The following TOGARAM2 variants were observed in gnomAD, a reference collection of about 807,000 sequenced individuals.
TOGARAM2 encodes TOG array regulator of axonemal microtubules 2.
Under a neutral mutation model 93.3 loss-of-function variants are expected in TOGARAM2, and 85 were observed. The ratio of observed to expected loss-of-function variants is 0.91; its 90% CI spans 0.76 to 1.09. TOGARAM2 has a LOEUF of 1.09. Ranked by LOEUF, TOGARAM2 falls within the 50% of genes least tolerant of loss-of-function variation. The pLI is 0.00. For synonymous variants in TOGARAM2, 593 were observed against 552.8 expected, an observed-to-expected ratio of 1.07 and a Z score of -1.02; for missense variants, 1,277 against 1,334.5, an observed-to-expected ratio of 0.96 and a Z score of 0.67.
upstream of TOGARAM2, chr2:28,981,225 A>T (rs983811829): frequency 6.6e-6 from 1 of 152,278 alleles, no homozygotes; most frequent in Non-Finnish European, 1.5e-5. Context: ...CCAAGGGGAA[A>T]ATCTCTCGGC....
At position 29,017,913 on chromosome 2, in the gene TOGARAM2, C is replaced by T. The variant is rs763711690; in HGVS notation, c.1317C>T (p.Ile439=). The T allele has an allele frequency of 9.9e-6, 16 of 1,611,368 alleles. No individual in the cohort carries two copies. Among genetic ancestry groups the T allele is most frequent in the Non-Finnish European group, 2.5e-6 (3 of 1,178,976 alleles). Residue 439 remains isoleucine (I), a synonymous_variant, in exon 10 of 20, where the codon ATC becomes ATT. Coordinates refer to ENST00000379558, the MANE Select transcript of TOGARAM2 (RefSeq NM_199280.4). ...KWASRASLPS[I]PISRQEPRFA... Reference sequence around the variant, plus strand: ...CCAGCCGGGCCTCCCTGCCCAGCATCCCCATCAGCCGGCAGGAGCCCCGCT... The same window carrying T: ...CCAGCCGGGCCTCCCTGCCCAGCATTCCCATCAGCCGGCAGGAGCCCCGCT...
chr2:28,977,571 GC>G (rs1452236695), upstream of TOGARAM2, among the ~76,000 whole-genome samples: 1 of 152,150 alleles, frequency 6.6e-6, no homozygotes. Context: ...AGGGGCGGGG[GC>G]TTCTTATGCC....
At chr2:29,048,418 T>C (rs1179806635) in intron 19 of TOGARAM2, 1 of 152,190 alleles carries the variant, frequency 6.6e-6, no homozygotes, top group East Asian at 1.9e-4. Context: ...TCAGTGGTAG[T>C]GTCCATGATT....
chr2:29,005,106 T>C (rs1572680219), intron 6 of TOGARAM2, among the ~76,000 whole-genome samples: 1 of 146,076 alleles, frequency 6.8e-6, no homozygotes, highest in South Asian at 2.2e-4. Flanking sequence ...ATGTTGTGAG[T>C]GCATGTGTAT....
chr2:28,982,377 C>T (rs1672237265), intron 1 of TOGARAM2, among the ~76,000 whole-genome samples: 1 of 152,214 alleles, frequency 6.6e-6, no homozygotes, highest in Non-Finnish European at 1.5e-5. Flanking sequence ...GGGGCCCGTA[C>T]TCTGTCGGAG....
In TOGARAM2 at chr2:29,030,611, C is replaced by T. The variant is rs546095705; in HGVS notation, c.2013-2323C>T. ...ACACTAGATGATGGTGACTACATTT[C>T]CTTTTCCTTCCTAGAACTCTGTCCT... is the stretch of plus-strand genomic sequence containing the variant. On this transcript the variant is annotated intron_variant, in intron 14 of 19. Transcript: ENST00000379558. Among the ~76,000 whole-genome samples, 48 of 152,340 alleles carry T rather than the reference C, an allele frequency of 3.2e-4. No homozygotes were observed. In the South Asian group the frequency reaches 9.3e-3, roughly 30 times the overall value.
intron 14 of TOGARAM2, among the ~76,000 whole-genome samples, chr2:29,027,580 A>T (rs1054929609): frequency 6.8e-6 from 1 of 147,892 alleles, no homozygotes; most frequent in African/African-American, 2.5e-5. Flanking sequence ...GCAACATAGT[A>T]AGATCCTGTC....
chr2:29,009,385 T>C (rs890118796), intron 6 of TOGARAM2, among the ~76,000 whole-genome samples: 4 of 152,148 alleles, frequency 2.6e-5, no homozygotes, highest in Admixed American at 1.3e-4. Flanking sequence ...TGGCATCTGC[T>C]GTGACTTAGA....
intron 6 of TOGARAM2, among the ~76,000 whole-genome samples, chr2:29,004,272 C>T (rs1005329536): frequency 4.6e-5 from 7 of 152,156 alleles, no homozygotes; most frequent in African/African-American, 1.4e-4. Context: ...TGTGAGACAC[C>T]GTGCCCGGCT....
chr2:28,998,092 C>A, intron 2 of TOGARAM2, 51 bp from the exon 3 acceptor site: 1 of 1,314,656 alleles, frequency 7.6e-7, no homozygotes, highest in South Asian at 1.4e-5. Flanking sequence ...TGCTCCCAGT[C>A]TTGGCCTTGG....
intron 6 of TOGARAM2, among the ~76,000 whole-genome samples, chr2:29,006,846 G>A (rs1223826724): frequency 6.6e-6 from 1 of 152,030 alleles, no homozygotes; most frequent in East Asian, 1.9e-4. Context: ...TCAGACGCTG[G>A]CCTCTTCCTC....
intron 1 of TOGARAM2, among the ~76,000 whole-genome samples, chr2:28,970,047 G>A (rs930476742): frequency 2.6e-4 from 40 of 152,180 alleles, no homozygotes; most frequent in South Asian, 2.1e-4. Flanking sequence ...TCTTGACCTC[G>A]TGATCCGCCC....
intron 1 of TOGARAM2, chr2:28,971,149 A>C (rs1191192446): frequency 6.6e-6 from 1 of 152,180 alleles, no homozygotes; most frequent in Non-Finnish European, 1.5e-5. Context: ...GTATTTGTCA[A>C]TCACATTCCA....
chr2:29,020,195 C>T (rs1664847929), intron 10 of TOGARAM2, among the ~76,000 whole-genome samples: 1 of 142,578 alleles, frequency 7.0e-6, no homozygotes, highest in Non-Finnish European at 1.5e-5. Context: ...GAACTAAGGG[C>T]CTCAAATAAG....
intron 2 of TOGARAM2, among the ~76,000 whole-genome samples, chr2:28,996,799 C>CAAAAAAAAAAAAAAA (rs1170607481): frequency 2.5e-5 from 1 of 40,714 alleles, no homozygotes; most frequent in African/African-American, 1.2e-4. Flanking sequence ...GACTCCATCT[C>CAAAAAAAAAAAAAAA]AAAAAAAAAA....
chr2:29,045,984 G>A (rs1311271274), intron 19 of TOGARAM2: 1 of 162,696 alleles, frequency 6.1e-6, no homozygotes, highest in Non-Finnish European at 1.3e-5. Flanking sequence ...GGTGCATATG[G>A]CTTGGTCAGT....
chr2:28,978,063 T>C (rs1369854973), upstream of TOGARAM2, among the ~76,000 whole-genome samples: 1 of 152,142 alleles, frequency 6.6e-6, no homozygotes, highest in Non-Finnish European at 1.5e-5. Flanking sequence ...TGCGCCACCA[T>C]GCCCAGCTAA....
At chr2:28,989,492 C>T (rs977294108) in intron 1 of TOGARAM2, among the ~76,000 whole-genome samples, 9 of 151,832 alleles carry the variant, frequency 5.9e-5, no homozygotes, top group South Asian at 2.1e-4. Flanking sequence ...CAACCTCCTG[C>T]GCTCAAGTGA....
chr2:28,983,177 A>AATATATAAATATATATAT (rs1553334841), intron 1 of TOGARAM2, among the ~76,000 whole-genome samples: 1 of 32,390 alleles, frequency 3.1e-5, no homozygotes, highest in African/African-American at 1.3e-4. Context: ...TGTATATATA[A>AATATATAAATATATATAT]ATATATATAT....
Sources: allele counts gnomAD v4.1 joint callset (sites outside exome capture counted in the v4.1 genomes callset), GRCh38; gene constraint gnomAD v4.1.1; transcripts MANE v1.5; gene names NCBI Gene and HGNC (gene_info 2026-07-23, HGNC 2026-07-21).